The following EYA1 variants were observed in gnomAD, a reference collection of about 807,000 sequenced individuals.
EYA1 encodes the protein EYA transcriptional coactivator and phosphatase 1.
EYA1 carries 16 observed loss-of-function variants against 82.0 expected under a neutral mutation model. That is an observed-to-expected ratio of 0.20 (90% CI 0.13 to 0.30). EYA1 has a LOEUF of 0.30. Ranked by LOEUF, EYA1 falls within the 10% of genes least tolerant of loss-of-function variation. The pLI, the probability that EYA1 is intolerant of heterozygous loss-of-function variation, is 1.00. For synonymous variants in EYA1, 261 were observed against 264.4 expected (o/e 0.99, Z 0.12); for missense variants, 633 against 730.7 (o/e 0.87, Z 1.54).
chr8:71,293,440 C>G (rs1228191739), intron 9 of EYA1, among the ~76,000 whole-genome samples: 2 of 151,968 alleles, frequency 1.3e-5, no homozygotes, highest in Admixed American at 6.6e-5. Flanking sequence ...ATCAATGAGG[C>G]CAGCATTACC....
intron 2 of EYA1, among the ~76,000 whole-genome samples, chr8:71,457,652 A>G (rs966294015): frequency 3.3e-5 from 5 of 152,186 alleles, no homozygotes; most frequent in Non-Finnish European, 7.3e-5. Context: ...TTAGCAAACT[A>G]TCACAAGGAC....
intron 3 of EYA1, among the ~76,000 whole-genome samples, chr8:71,341,021 G>T (rs1825066982): frequency 6.6e-6 from 1 of 152,174 alleles, no homozygotes; most frequent in African/African-American, 2.4e-5. Flanking sequence ...TGCAGGCTTT[G>T]CAAAGTGTCT....
chr8:71,243,641 C>T (rs1027512614), intron 12 of EYA1, among the ~76,000 whole-genome samples: 5 of 152,120 alleles, frequency 3.3e-5, no homozygotes, highest in African/African-American at 9.7e-5. Flanking sequence ...TTGAACAAAC[C>T]GCATTTAAGT....
chr8:71,384,649 G>C (rs937445583), intron 2 of EYA1, among the ~76,000 whole-genome samples: 9 of 152,298 alleles, frequency 5.9e-5, no homozygotes, highest in African/African-American at 2.2e-4. Flanking sequence ...AGTATTTGTT[G>C]AATGAACAAA....
At chr8:71,418,935 A>AC (rs1485772791) in intron 2 of EYA1, among the ~76,000 whole-genome samples, 1 of 152,166 alleles carries the variant, frequency 6.6e-6, no homozygotes, top group African/African-American at 2.4e-5. Flanking sequence ...GGGGGAGAGC[A>AC]CCTGAGAAGG....
chr8:71,484,253 G>A (rs1810393233), intron 2 of EYA1, among the ~76,000 whole-genome samples: 1 of 152,220 alleles, frequency 6.6e-6, no homozygotes, highest in Non-Finnish European at 1.5e-5. Context: ...CATAGTCTGT[G>A]TAAAAGCATA....
intron 11 of EYA1, among the ~76,000 whole-genome samples, chr8:71,255,041 A>T (rs1015617763): frequency 1.3e-5 from 2 of 152,204 alleles, no homozygotes; most frequent in African/African-American, 2.4e-5. Flanking sequence ...AAACTTAAAT[A>T]GGGAGGGAAA....
Position 71,215,500 on chromosome 8 carries a change from C to G in EYA1, c.1484G>C (p.Cys495Ser). Residue 495 changes from cysteine (C) to serine (S), a missense_variant, in exon 16 of 18, where the codon TGT becomes TCT. Physicochemically the swap from Cys to Ser is moderately radical, Grantham distance 112. Transcript: ENST00000340726. ...AGTAGTTGTTACTAAAATATTCACA[C>G]AGTTTGTCCTATGAGAACAAAAAGA... Reference protein sequence around the residue: ...ALSLIHSRTNCVNILVTTTQL... With the variant: ...ALSLIHSRTNSVNILVTTTQL... 6.2e-7 allele frequency: 1 copy of G among 1,613,874 alleles called. No homozygotes were observed. Among genetic ancestry groups the G allele is most frequent in the Middle Eastern group, 1.7e-4 (1 of 6,060 alleles).
At chr8:71,466,327 GTTC>G (rs560004811) in intron 2 of EYA1, among the ~76,000 whole-genome samples, 23 of 152,224 alleles carry the variant, frequency 1.5e-4, no homozygotes, top group African/African-American at 4.8e-4. Flanking sequence ...GTAGAACTCT[GTTC>G]TTCTGAAAAG....
intron 2 of EYA1, among the ~76,000 whole-genome samples, chr8:71,394,866 T>C (rs1829495611): frequency 6.6e-6 from 1 of 152,198 alleles, no homozygotes; most frequent in Admixed American, 6.5e-5. Context: ...GCATTGAATC[T>C]ATAAATTACC....
intron 12 of EYA1, among the ~76,000 whole-genome samples, chr8:71,244,016 T>G (rs1405550934): frequency 2.0e-5 from 3 of 152,378 alleles, no homozygotes; most frequent in East Asian, 3.9e-4. Context: ...CTCTTAAGAA[T>G]GCTGCTAATC....
intron 2 of EYA1, among the ~76,000 whole-genome samples, chr8:71,432,039 T>C (rs183418372): frequency 6.6e-6 from 1 of 152,202 alleles, no homozygotes; most frequent in Non-Finnish European, 1.5e-5. Context: ...ACACAAGATT[T>C]TCAAGATTTT....
chr8:71,211,116 A>G (rs1302671866), intron 17 of EYA1, 40 bp downstream of exon 17: 5 of 1,348,016 alleles, frequency 3.7e-6, no homozygotes, highest in Non-Finnish European at 3.2e-6. Context: ...GAGGACTGAA[A>G]AAACAAATGA....
chr8:71,443,374 C>A (rs926637116), intron 2 of EYA1, among the ~76,000 whole-genome samples: 3 of 152,284 alleles, frequency 2.0e-5, no homozygotes, highest in Non-Finnish European at 4.4e-5. Flanking sequence ...TCACTGCAAC[C>A]TCTGCCTCCC....
intron 12 of EYA1, among the ~76,000 whole-genome samples, chr8:71,224,818 A>T (rs1259092788): frequency 6.6e-6 from 1 of 152,214 alleles, no homozygotes; most frequent in East Asian, 1.9e-4. Flanking sequence ...AATGCTCTCC[A>T]TGGTGGTTTT....
intron 11 of EYA1, among the ~76,000 whole-genome samples, chr8:71,267,249 C>A (rs1480669056): frequency 6.6e-6 from 1 of 152,204 alleles, no homozygotes; most frequent in Non-Finnish European, 1.5e-5. Flanking sequence ...CATTGACTCT[C>A]CATCTCCATC....
chr8:71,373,016 G>A (rs887162885), intron 2 of EYA1, among the ~76,000 whole-genome samples: 1 of 152,060 alleles, frequency 6.6e-6, no homozygotes. Flanking sequence ...AAGGTCTACA[G>A]CTAACATCAT....
chr8:71,478,919 G>T (rs1459833226), intron 2 of EYA1, among the ~76,000 whole-genome samples: 1 of 152,130 alleles, frequency 6.6e-6, no homozygotes, highest in Non-Finnish European at 1.5e-5. Flanking sequence ...CATGCATCAG[G>T]TACTGCAGAG....
chr8:71,471,034 C>A, intron 2 of EYA1: 1 of 403,090 alleles, frequency 2.5e-6, no homozygotes, highest in Non-Finnish European at 4.8e-6. Flanking sequence ...CTTAACTCAT[C>A]TTGAGACATT....
Sources: gnomAD v4.1 joint callset for allele counts (sites outside exome capture counted in the v4.1 genomes callset) on GRCh38, gnomAD v4.1.1 for gene constraint, MANE v1.5 for transcripts, NCBI Gene and HGNC (gene_info 2026-07-23, HGNC 2026-07-21) for gene names.